The following CUL5 variants were observed in gnomAD, a reference collection of about 807,000 sequenced individuals.
CUL5 encodes cullin-5.
CUL5 carries 26 observed loss-of-function variants against 108.8 expected under a neutral mutation model. That is an observed-to-expected ratio of 0.24 (90% confidence interval 0.18 to 0.33). The LOEUF (loss-of-function observed/expected upper bound fraction) is 0.33, where lower values mean the gene tolerates loss of function less well. Among genes scored for constraint, CUL5 ranks in the 10% least tolerant of loss-of-function variants. The pLI, the probability that CUL5 is intolerant of heterozygous loss-of-function variation, is 1.00. For missense variants in CUL5, 524 were observed against 909.2 expected (o/e 0.58, Z 5.45); for synonymous variants, 334 against 298.0 (o/e 1.12, Z -1.25).
chr11:108,054,737 G>A lies in CUL5; in HGVS notation c.644G>A (p.Arg215Lys), dbSNP rs1863329341. 6.2e-7 allele frequency: 1 copy of A among 1,611,512 alleles called. No homozygotes were observed. The highest frequency in any genetic ancestry group is 8.5e-7 in the Non-Finnish European group (1 of 1,178,344). ...TTGGATTCAACAGAGAGATTTTATA[G>A]AACACAAGCACCCTCGTATTTACAA... ...AYLDSTERFY[R>K]TQAPSYLQQN... The change falls in exon 6 of 19, where the codon AGA (arginine) becomes AAA (lysine). Residue 215 changes from arginine (R) to lysine (K), a missense_variant. Arg to Lys is a conservative substitution (Grantham distance 26). This residue lies in a region of CUL5 where 170 missense variants were observed against 305.1 expected (regional missense o/e 0.56). Transcript: ENST00000393094.
chr11:108,083,153 A>G (rs890369220), intron 11 of CUL5, among the ~76,000 whole-genome samples: 1 of 152,112 alleles, frequency 6.6e-6, no homozygotes, highest in African/African-American at 2.4e-5. Context: ...GCAGGGGTGA[A>G]TTCAGGCATC....
intron 11 of CUL5, among the ~76,000 whole-genome samples, chr11:108,083,782 T>C (rs532290938): frequency 6.6e-6 from 1 of 152,268 alleles, no homozygotes; most frequent in Admixed American, 6.5e-5. Flanking sequence ...TGTCTCAAAG[T>C]AGAAAATTTC....
At chr11:108,078,089 CAT>C (rs755691416) in intron 10 of CUL5, 85 bp from the exon 11 acceptor site, 68 of 733,338 alleles carry the variant, frequency 9.3e-5, no homozygotes, top group Non-Finnish European at 1.3e-4. Context: ...TAAAAACTAA[CAT>C]ATTTTTATGT....
At chr11:108,062,915 A>G (rs1036035755) in intron 7 of CUL5, among the ~76,000 whole-genome samples, 5 of 152,066 alleles carry the variant, frequency 3.3e-5, no homozygotes, top group Non-Finnish European at 5.9e-5. Context: ...GCGGGATCTC[A>G]GCTCACCGCA....
chr11:108,026,519 T>TTGCC (rs1238055835), intron 1 of CUL5, among the ~76,000 whole-genome samples: 5 of 152,182 alleles, frequency 3.3e-5, no homozygotes, highest in Non-Finnish European at 7.3e-5. Context: ...GTACATTCTT[T>TTGCC]TGCCTTCTCC....
At chr11:108,021,226 G>T (rs1862319521) in intron 1 of CUL5, among the ~76,000 whole-genome samples, 1 of 152,168 alleles carries the variant, frequency 6.6e-6, no homozygotes, top group African/African-American at 2.4e-5. Flanking sequence ...GTGACACATG[G>T]CTCTAATCCA....
chr11:108,029,356 T>C (rs1256521786), intron 1 of CUL5, among the ~76,000 whole-genome samples: 1 of 152,232 alleles, frequency 6.6e-6, no homozygotes, highest in Non-Finnish European at 1.5e-5. Flanking sequence ...GTTGTAGTTC[T>C]CTGAAGAGCC....
At chr11:108,015,256 C>T (rs939859333) in intron 1 of CUL5, among the ~76,000 whole-genome samples, 1 of 152,094 alleles carries the variant, frequency 6.6e-6, no homozygotes, top group African/African-American at 2.4e-5. Flanking sequence ...GAGGTAAAAC[C>T]AGAATGAAGC....
intron 7 of CUL5, among the ~76,000 whole-genome samples, chr11:108,060,382 G>A (rs1275818406): frequency 6.6e-6 from 1 of 152,152 alleles, no homozygotes; most frequent in Admixed American, 6.6e-5. Flanking sequence ...ATAAAGTGGG[G>A]GAACTTAAGA....
chr11:108,045,611 C>G (rs1180044534), intron 2 of CUL5, among the ~76,000 whole-genome samples: 4 of 152,118 alleles, frequency 2.6e-5, no homozygotes, highest in Admixed American at 1.3e-4. Flanking sequence ...ACTTTTAATT[C>G]CAGCACTTTG....
At chr11:108,052,207 G>A (rs1863244915) in intron 4 of CUL5, among the ~76,000 whole-genome samples, 1 of 152,184 alleles carries the variant, frequency 6.6e-6, no homozygotes, top group Admixed American at 6.5e-5. Context: ...CTGGCCTCAA[G>A]TGATCCTCCC....
chr11:108,087,058 G>A (rs951199573), intron 11 of CUL5, among the ~76,000 whole-genome samples: 5 of 152,064 alleles, frequency 3.3e-5, no homozygotes, highest in African/African-American at 1.2e-4. Context: ...TATTAGATCA[G>A]TATGGATTTT....
At chr11:108,102,048 G>T (rs1266387624) in intron 18 of CUL5, among the ~76,000 whole-genome samples, 3 of 152,064 alleles carry the variant, frequency 2.0e-5, no homozygotes, top group East Asian at 1.9e-4. Context: ...TTGAGACAGG[G>T]TCTCACCCTG....
chr11:108,042,909 C>T (rs1048857070), intron 2 of CUL5, among the ~76,000 whole-genome samples: 3 of 151,642 alleles, frequency 2.0e-5, no homozygotes, highest in African/African-American at 4.8e-5. Flanking sequence ...ACTACAGGAG[C>T]GCACCACCAC....
At chr11:108,098,602 A>C in intron 18 of CUL5, 73 bp downstream of exon 18, 1 of 1,260,272 alleles carries the variant, frequency 7.9e-7, no homozygotes. Flanking sequence ...AAATTTTGAA[A>C]TCTTTTTTGA....
intron 2 of CUL5, among the ~76,000 whole-genome samples, chr11:108,034,817 A>G (rs1351932195): frequency 1.3e-5 from 2 of 152,220 alleles, no homozygotes; most frequent in African/African-American, 2.4e-5. Context: ...TGAGGGACAA[A>G]AGTCTTTTTC....
chr11:108,046,448 C>T, intron 3 of CUL5, 79 bp downstream of exon 3: 1 of 767,778 alleles, frequency 1.3e-6, no homozygotes, highest in Admixed American at 3.0e-5. Flanking sequence ...GAAAGTAGAA[C>T]TTCTTGAAGT....
intron 7 of CUL5, among the ~76,000 whole-genome samples, chr11:108,067,992 G>C (rs560854405): frequency 4.5e-4 from 69 of 151,858 alleles, no homozygotes; most frequent in African/African-American, 1.6e-3. Context: ...GCAATGGCAC[G>C]ATCTCGGCTC....
chr11:108,075,126 T>C (rs1863912732), intron 10 of CUL5, among the ~76,000 whole-genome samples: 1 of 151,592 alleles, frequency 6.6e-6, no homozygotes, highest in South Asian at 2.1e-4. Flanking sequence ...ATTTAAATAA[T>C]TCAATTAAGT....
Sources: allele counts gnomAD v4.1 joint callset (sites outside exome capture counted in the v4.1 genomes callset), GRCh38; gene constraint gnomAD v4.1.1; regional missense constraint gnomAD v4.1.1; transcripts MANE v1.5; gene names NCBI Gene and HGNC (gene_info 2026-07-23, HGNC 2026-07-21).